TCF12: variants seen among roughly 807,000 people sequenced by gnomAD.
TCF12 encodes transcription factor 12.
In TCF12, 45 loss-of-function variants were observed where a neutral mutation model predicts 86.0. The observed-to-expected ratio is 0.52, with a 90% CI of 0.41 to 0.67. TCF12 has a LOEUF of 0.67. Among genes scored for constraint, TCF12 ranks in the 30% least tolerant of loss-of-function variants. TCF12 has a pLI of 0.00. For synonymous variants in TCF12, 330 were observed against 299.6 expected (o/e 1.10, Z -1.05); for missense variants, 881 against 859.9 (o/e 1.02, Z -0.31).
At chr15:57,153,589 T>C (rs545438499) in intron 5 of TCF12, among the ~76,000 whole-genome samples, 3 of 152,296 alleles carry the variant, frequency 2.0e-5, no homozygotes, top group Admixed American at 2.0e-4. Flanking sequence ...TTTTATAAAA[T>C]ATGTAACAGT....
At chr15:57,251,124 A>G (rs2060097193) in intron 13 of TCF12, 1 of 430,422 alleles carries the variant, frequency 2.3e-6, no homozygotes, top group Non-Finnish European at 4.2e-6. Context: ...TGTATTTAAA[A>G]TTACAGGGTT....
chr15:56,978,304 T>C (rs2062714196), intron 3 of TCF12, among the ~76,000 whole-genome samples: 1 of 152,226 alleles, frequency 6.6e-6, no homozygotes, highest in Non-Finnish European at 1.5e-5. Flanking sequence ...AAAACCGTGA[T>C]TCCACTAATA....
intron 6 of TCF12, among the ~76,000 whole-genome samples, chr15:57,190,777 C>T (rs1027918437): frequency 2.0e-5 from 3 of 152,164 alleles, no homozygotes; most frequent in Non-Finnish European, 4.4e-5. Flanking sequence ...TCAGAGCTCT[C>T]TCCTCACCCT....
chr15:56,966,959 C>T (rs1456043888), intron 3 of TCF12, among the ~76,000 whole-genome samples: 2 of 152,056 alleles, frequency 1.3e-5, no homozygotes, highest in African/African-American at 4.8e-5. Flanking sequence ...CCTGTCTCTA[C>T]TAAAATACAA....
Position 57,275,327 on chromosome 15 carries a change from G to GGTGTGT in TCF12, c.1978+2096_1978+2101dup, listed in dbSNP as rs1171707504. 1.2e-3 allele frequency among the ~76,000 whole-genome samples: 76 copies of GGTGTGT among 64,070 alleles called. 8 individuals are homozygous for GGTGTGT. Among genetic ancestry groups the GGTGTGT allele is most frequent in the African/African-American group, 1.6e-3 (22 of 13,926 alleles). 42.0% of individuals were successfully genotyped at this position (64,070 alleles called of 152,430 possible). ...AGCCCAGGGATCTTTGTAAGGTAGGGGTGTGTGTGTGTGTGTGTGTGTGTG... is the reference window on the plus strand; with the variant it reads ...AGCCCAGGGATCTTTGTAAGGTAGGGGTGTGTGTGTGTGTGTGTGTGTGTGTGTGTG... On this transcript the variant is annotated intron_variant, in intron 19 of 20. Coordinates refer to ENST00000333725, the MANE Select transcript of TCF12 (RefSeq NM_207037.2).
At chr15:56,995,205 G>C (rs2063643332) in intron 3 of TCF12, among the ~76,000 whole-genome samples, 1 of 125,470 alleles carries the variant, frequency 8.0e-6, no homozygotes, top group Non-Finnish European at 1.6e-5. Context: ...TGTACAGTTT[G>C]AAGTCAGGTA....
At chr15:57,114,020 A>T (rs2050677196) in intron 5 of TCF12, among the ~76,000 whole-genome samples, 1 of 152,142 alleles carries the variant, frequency 6.6e-6, no homozygotes, top group African/African-American at 2.4e-5. Flanking sequence ...TCTTGAAATA[A>T]GAGTCTTAGA....
At chr15:57,030,676 C>A (rs941357012) in intron 3 of TCF12, among the ~76,000 whole-genome samples, 1 of 152,182 alleles carries the variant, frequency 6.6e-6, no homozygotes, top group Non-Finnish European at 1.5e-5. Context: ...ATAGAAATTT[C>A]AGTTTGTTTC....
chr15:57,215,023 G>C (rs2058274981), intron 8 of TCF12, among the ~76,000 whole-genome samples: 1 of 152,114 alleles, frequency 6.6e-6, no homozygotes, highest in Admixed American at 6.5e-5. Flanking sequence ...GTTTGAAAAT[G>C]ATGCATTATT....
At chr15:57,013,272 A>C (rs1280381171) in intron 3 of TCF12, among the ~76,000 whole-genome samples, 2 of 152,204 alleles carry the variant, frequency 1.3e-5, no homozygotes, top group African/African-American at 4.8e-5. Flanking sequence ...AGAATTTTGC[A>C]GTAAGAAAAT....
At chr15:57,185,150 A>G (rs1340716161) in intron 6 of TCF12, among the ~76,000 whole-genome samples, 1 of 152,162 alleles carries the variant, frequency 6.6e-6, no homozygotes, top group East Asian at 1.9e-4. Flanking sequence ...TTCCTCCTTT[A>G]TAAGGGAATG....
At chr15:57,213,190 T>C (rs1389462547) in intron 8 of TCF12, among the ~76,000 whole-genome samples, 7 of 152,234 alleles carry the variant, frequency 4.6e-5, no homozygotes, top group Admixed American at 4.6e-4. Flanking sequence ...TCTTTTTCCC[T>C]GTTGATGTCA....
chr15:57,273,237 C>T lies in TCF12; in HGVS notation c.1953C>T (p.Ile651=). Residue 651 remains isoleucine, a synonymous_variant, in exon 19 of 21, where the codon ATC becomes ATT. Transcript: ENST00000333725. ...LLILHQAVAV[I]LSLEQQVRER... is the part of the protein sequence containing the mutation. ...TTCTTCATCAAGCCGTGGCAGTCAT[C>T]CTTAGTCTAGAACAGCAAGTCAGAG... The T allele has an allele frequency of 6.2e-7, 1 of 1,614,138 alleles. No individual in the cohort carries two copies. The highest frequency in any genetic ancestry group is 8.5e-7 in the Non-Finnish European group (1 of 1,180,012).
intron 5 of TCF12, 164 bp downstream of exon 5, chr15:57,092,055 G>T (rs936429982): frequency 2.0e-6 from 1 of 499,994 alleles, no homozygotes; most frequent in Non-Finnish European, 3.5e-6. Context: ...AGGATCAAAT[G>T]TCCAGAAAAT....
In TCF12 at chr15:57,126,196, G is replaced by A. The variant is rs376478470; in HGVS notation, c.325+34305G>A. On this transcript the variant is annotated intron_variant, in intron 5 of 20. Transcript: ENST00000333725. ...GAGAAAATTGCACTGAGCTAAGATT[G>A]CGCCACTACATTCCAGCTTGGTTGA... Among the ~76,000 whole-genome samples the A allele has an allele frequency of 6.6e-5, 10 of 152,258 alleles. No homozygotes were observed. In the East Asian group the frequency reaches 1.5e-3, roughly 24 times the overall value.
intron 3 of TCF12, among the ~76,000 whole-genome samples, chr15:57,025,037 T>G (rs1229173961): frequency 3.3e-5 from 5 of 152,192 alleles, no homozygotes; most frequent in Non-Finnish European, 5.9e-5. Flanking sequence ...GCACCTAAAT[T>G]CAAATCTAGT....
intron 6 of TCF12, among the ~76,000 whole-genome samples, chr15:57,175,680 C>T (rs1449600408): frequency 1.3e-5 from 2 of 152,152 alleles, no homozygotes; most frequent in African/African-American, 4.8e-5. Flanking sequence ...AAAGTTGATA[C>T]TGTATTGTAT....
rs967679232 is a variant in TCF12 at position 57,071,296 on chromosome 15, G to C, written c.222+7473G>C. On this transcript the variant is annotated intron_variant, in intron 4 of 20. Transcript: ENST00000333725. ...GTCTGGTGGTGCGCACCTGTGGTCC[G>C]AGCTACTCAGGAGGCTGAAGTGGGA... is the stretch of plus-strand genomic sequence containing the variant. Among the ~76,000 whole-genome samples, 3 of 151,302 alleles carry C rather than the reference G, an allele frequency of 2.0e-5. No homozygotes were observed. In the East Asian group the frequency reaches 5.8e-4, roughly 29 times the overall value.
At chr15:56,981,571 C>G (rs888512659) in intron 3 of TCF12, among the ~76,000 whole-genome samples, 2 of 152,140 alleles carry the variant, frequency 1.3e-5, no homozygotes, top group African/African-American at 4.8e-5. Flanking sequence ...GCCAAAAACA[C>G]TCAAACCATA....
Sources: allele counts gnomAD v4.1 joint callset (sites outside exome capture counted in the v4.1 genomes callset), GRCh38; gene constraint gnomAD v4.1.1; transcripts MANE v1.5; gene names NCBI Gene and HGNC (gene_info 2026-07-23, HGNC 2026-07-21).